SLMAP: variants seen among roughly 807,000 people sequenced by gnomAD.
SLMAP encodes the protein sarcolemmal membrane-associated protein.
A neutral mutation model predicts 128.8 loss-of-function variants in SLMAP; 44 were observed. That is an observed-to-expected ratio of 0.34 (90% CI 0.27 to 0.44). SLMAP has a LOEUF of 0.44. Ranked by LOEUF, SLMAP falls within the 20% of genes least tolerant of loss-of-function variation. The pLI, the probability that SLMAP is intolerant of heterozygous loss-of-function variation, is 1.00. For synonymous variants in SLMAP, 327 were observed against 348.8 expected (o/e 0.94, Z 0.70); for missense variants, 787 against 985.3 (o/e 0.80, Z 2.69).
In SLMAP at chr3:57,757,253, A is replaced by C. The variant is rs1478576990; in HGVS notation, c.-399A>C. On this transcript the variant is annotated 5_prime_UTR_variant, in exon 2 of 25. Transcript: ENST00000671191. The stretch of plus-strand genomic sequence containing the variant: ...CAACGTTTCCGCCACCAAGGGGGAA[A>C]AGCGGCCGCGATCTCAAACCAAACA... 1 of 280,446 alleles carries C rather than the reference A, an allele frequency of 3.6e-6. No individual in the cohort carries two copies. Among genetic ancestry groups the C allele is most frequent in the African/African-American group, 2.2e-5 (1 of 44,832 alleles). The allele number at this position is 280,446 out of a possible 1,614,324, so 17.4% of individuals were successfully genotyped here.
intron 2 of SLMAP, among the ~76,000 whole-genome samples, chr3:57,792,754 A>G (rs527758780): frequency 1.3e-5 from 2 of 152,296 alleles, no homozygotes; most frequent in South Asian, 4.1e-4. Context: ...TAAACATTTG[A>G]CAACACAAGC....
intron 2 of SLMAP, among the ~76,000 whole-genome samples, chr3:57,783,768 T>C (rs1170435972): frequency 1.3e-5 from 2 of 152,158 alleles, no homozygotes; most frequent in African/African-American, 4.8e-5. Context: ...ATTTCAGAGA[T>C]CTTCAAGGCT....
chr3:57,809,768 A>G (rs957074660), intron 2 of SLMAP, among the ~76,000 whole-genome samples: 2 of 152,126 alleles, frequency 1.3e-5, no homozygotes, highest in African/African-American at 4.8e-5. Context: ...GCCAGAGCTG[A>G]GCAGACGTTG....
At chr3:57,854,469 G>A (rs1031353804) in intron 6 of SLMAP, among the ~76,000 whole-genome samples, 2 of 151,992 alleles carry the variant, frequency 1.3e-5, no homozygotes, top group Non-Finnish European at 2.9e-5. Context: ...ATGGTGGTGT[G>A]CACCTGTAGT....
chr3:57,787,446 A>G (rs913946329), intron 2 of SLMAP, among the ~76,000 whole-genome samples: 2 of 152,164 alleles, frequency 1.3e-5, no homozygotes, highest in Non-Finnish European at 2.9e-5. Flanking sequence ...AAAATAGGAA[A>G]TGACATGAAT....
At chr3:57,857,907 G>C (rs2094869605) in intron 7 of SLMAP, 79 bp downstream of exon 7, 1 of 1,071,066 alleles carries the variant, frequency 9.3e-7, no homozygotes, top group Non-Finnish European at 1.4e-6. Flanking sequence ...CTAAAATGTA[G>C]CAAACAAAGA....
intron 3 of SLMAP, among the ~76,000 whole-genome samples, chr3:57,839,492 G>A (rs1246149082): frequency 7.0e-6 from 1 of 143,228 alleles, no homozygotes; most frequent in Non-Finnish European, 1.5e-5. Context: ...CCAGGCTGGA[G>A]TGCAGTGGCA....
intron 2 of SLMAP, among the ~76,000 whole-genome samples, chr3:57,810,788 A>T (rs543616313): frequency 2.7e-4 from 41 of 152,274 alleles, no homozygotes; most frequent in Non-Finnish European, 5.0e-4. Flanking sequence ...TTATTCACAT[A>T]GCTTCCAGGA....
intron 15 of SLMAP, among the ~76,000 whole-genome samples, chr3:57,892,874 C>T (rs191970546): frequency 4.8e-4 from 68 of 140,878 alleles, no homozygotes; most frequent in Admixed American, 1.9e-3. Context: ...CGCTCTGTTG[C>T]GCAGGCTGGA....
At chr3:57,842,120 T>C (rs2093965268) in intron 4 of SLMAP, among the ~76,000 whole-genome samples, 1 of 151,982 alleles carries the variant, frequency 6.6e-6, no homozygotes, top group Non-Finnish European at 1.5e-5. Flanking sequence ...GACCTGAGGG[T>C]AGGAGGTTAA....
chr3:57,828,281 A>G (rs993447945), intron 2 of SLMAP, among the ~76,000 whole-genome samples: 1 of 152,220 alleles, frequency 6.6e-6, no homozygotes. Context: ...TTTATACCTT[A>G]GAAACCTAAC....
At chr3:57,914,435 G>A (rs781449831) in intron 21 of SLMAP, among the ~76,000 whole-genome samples, 3 of 151,962 alleles carry the variant, frequency 2.0e-5, no homozygotes, top group African/African-American at 4.8e-5. Context: ...GTTTTACATT[G>A]TTTATAAGAT....
At chr3:57,761,044 T>A (rs2078530876) in intron 2 of SLMAP, among the ~76,000 whole-genome samples, 3 of 150,996 alleles carry the variant, frequency 2.0e-5, no homozygotes, top group Non-Finnish European at 4.4e-5. Context: ...TTTTTTTTTT[T>A]AAACATCTGG....
At chr3:57,857,380 C>G (rs1009208427) in intron 6 of SLMAP, among the ~76,000 whole-genome samples, 8 of 151,940 alleles carry the variant, frequency 5.3e-5, no homozygotes. Flanking sequence ...ATACACATAC[C>G]TATGATAAAG....
intron 2 of SLMAP, among the ~76,000 whole-genome samples, chr3:57,776,140 C>T (rs1300808037): frequency 2.0e-5 from 3 of 151,762 alleles, no homozygotes; most frequent in African/African-American, 7.3e-5. Context: ...ATTCCACTCA[C>T]TTAAGCTTTC....
Position 57,881,100 on chromosome 3 carries a change from A to G in SLMAP, c.1301-8941A>G, listed in dbSNP as rs1299210611. 2.0e-5 allele frequency among the ~76,000 whole-genome samples: 3 copies of G among 152,186 alleles called. No homozygotes were observed. In the East Asian group the frequency reaches 5.8e-4, roughly 29 times the overall value. ...TCCCAGCTACTCAGGAGGCTGAGGC[A>G]GGAGAATCACTTGAACCCAGGAGAC... On this transcript the variant is annotated intron_variant, in intron 14 of 24. Transcript: ENST00000671191.
intron 2 of SLMAP, among the ~76,000 whole-genome samples, chr3:57,765,523 G>A (rs2079511170): frequency 6.6e-6 from 1 of 152,186 alleles, no homozygotes; most frequent in South Asian, 2.1e-4. Flanking sequence ...TGAAGAGCCT[G>A]CTGAATTTGA....
In SLMAP at chr3:57,847,320, T is replaced by C. The variant is rs1577512316; in HGVS notation, c.456+87T>C. ...TTTTTAATATGCTTTACCTAGAAAT[T>C]TATTTCTCTTTTATAACAAAATATG... is the stretch of plus-strand genomic sequence containing the variant. On this transcript the variant is annotated intron_variant, in intron 5 of 24. Coordinates refer to ENST00000671191, the MANE Select transcript of SLMAP (RefSeq NM_001377540.1). 5.4e-6 allele frequency: 5 copies of C among 925,928 alleles called. No homozygotes were observed. In the East Asian group the frequency reaches 1.2e-4, roughly 22 times the overall value. 57.4% of individuals were successfully genotyped at this position (925,928 alleles called of 1,614,324 possible).
chr3:57,763,954 A>G (rs2079161853), intron 2 of SLMAP, among the ~76,000 whole-genome samples: 1 of 152,190 alleles, frequency 6.6e-6, no homozygotes, highest in South Asian at 2.1e-4. Flanking sequence ...TTTGAAGAGT[A>G]GCCAAGGGTG....
Sources: gnomAD v4.1 joint callset for allele counts (sites outside exome capture counted in the v4.1 genomes callset) on GRCh38, gnomAD v4.1.1 for gene constraint, MANE v1.5 for transcripts, NCBI Gene and HGNC (gene_info 2026-07-23, HGNC 2026-07-21) for gene names.